LDB2: variants seen among roughly 807,000 people sequenced by gnomAD.
LDB2 encodes LIM domain binding 2, also known as LIM domain-binding protein 2.
LDB2 carries 12 observed loss-of-function variants against 44.3 expected under a neutral mutation model. That is an observed-to-expected ratio of 0.27 (90% CI 0.17 to 0.44). The LOEUF is 0.44. LDB2 is among the 20% of genes least tolerant of loss of function. The pLI, the probability that LDB2 is intolerant of heterozygous loss-of-function variation, is 1.00. For synonymous variants in LDB2, 164 were observed against 174.8 expected (o/e 0.94, Z 0.49); for missense variants, 344 against 473.5 (o/e 0.73, Z 2.54).
At chr4:16,842,434 A>G (rs1786064366) in intron 1 of LDB2, among the ~76,000 whole-genome samples, 1 of 152,218 alleles carries the variant, frequency 6.6e-6, no homozygotes, top group South Asian at 2.1e-4. Flanking sequence ...AAATTAAAAA[A>G]AAAATCCATG....
chr4:16,879,516 G>T (rs1238338964), intron 1 of LDB2, among the ~76,000 whole-genome samples: 2 of 152,210 alleles, frequency 1.3e-5, no homozygotes. Context: ...GCAGAGGAAA[G>T]TTGGCTTAAC....
intron 1 of LDB2, among the ~76,000 whole-genome samples, chr4:16,839,754 T>A (rs1258859714): frequency 1.3e-5 from 2 of 152,204 alleles, no homozygotes; most frequent in Admixed American, 6.5e-5. Flanking sequence ...TATTTAGAGA[T>A]ACCAACATGT....
intron 2 of LDB2, among the ~76,000 whole-genome samples, chr4:16,623,819 TC>T (rs200563143): frequency 0.014 from 2,186 of 151,922 alleles, 30 homozygotes; most frequent in South Asian, 0.045. Context: ...AGCTTAACAG[TC>T]CCTTAACTCT....
chr4:16,809,741 C>CAAACAA (rs1554031287), intron 1 of LDB2, among the ~76,000 whole-genome samples: 3 of 145,476 alleles, frequency 2.1e-5, no homozygotes, highest in African/African-American at 7.6e-5. Context: ...AACAAACAAA[C>CAAACAA]AAAAAAAAAA....
chr4:16,765,372 T>G (rs1000640813), intron 1 of LDB2, among the ~76,000 whole-genome samples: 2 of 152,228 alleles, frequency 1.3e-5, no homozygotes, highest in Non-Finnish European at 2.9e-5. Flanking sequence ...GCATATGTCA[T>G]TCTTTTGACC....
chr4:16,870,997 T>C (rs1561496237), intron 1 of LDB2, among the ~76,000 whole-genome samples: 1 of 152,194 alleles, frequency 6.6e-6, no homozygotes, highest in Non-Finnish European at 1.5e-5. Context: ...CTGCTTCCTC[T>C]GGCAAATGAG....
rs565524837 is a variant in LDB2 at position 16,507,455 on chromosome 4, T to C, written c.891+1080A>G. On this transcript the variant is annotated intron_variant, in intron 7 of 7. Coordinates refer to ENST00000304523, the MANE Select transcript of LDB2 (RefSeq NM_001290.5). The stretch of plus-strand genomic sequence containing the variant: ...CACTTGGAAGTAAGTGGGGAATCCC[T>C]GTGCGAAGGTCCACTCGCACATGGA... Among the ~76,000 whole-genome samples, 6 of 152,208 alleles carry C rather than the reference T, an allele frequency of 3.9e-5. No homozygotes were observed. The East Asian group carries it at 1.2e-3, about 29-fold the overall frequency.
chr4:16,850,313 C>CT (rs1421224594), intron 1 of LDB2, among the ~76,000 whole-genome samples: 1 of 152,122 alleles, frequency 6.6e-6, no homozygotes, highest in Non-Finnish European at 1.5e-5. Flanking sequence ...CACCTATTAG[C>CT]TGAACCTCCT....
At chr4:16,715,049 T>A (rs757750151) in intron 2 of LDB2, among the ~76,000 whole-genome samples, 8 of 152,206 alleles carry the variant, frequency 5.3e-5, no homozygotes, top group Non-Finnish European at 1.0e-4. Flanking sequence ...TTTAGTGAGA[T>A]GTCATATGTG....
At chr4:16,745,608 T>C (rs1384097186) in intron 2 of LDB2, among the ~76,000 whole-genome samples, 1 of 152,126 alleles carries the variant, frequency 6.6e-6, no homozygotes, top group African/African-American at 2.4e-5. Context: ...CAGAGAGTTA[T>C]TGTGGAAGAC....
intron 2 of LDB2, among the ~76,000 whole-genome samples, chr4:16,756,844 C>A (rs1766769118): frequency 6.6e-6 from 1 of 151,734 alleles, no homozygotes; most frequent in African/African-American, 2.4e-5. Flanking sequence ...CAAAAGGACC[C>A]CCCTAGACAC....
chr4:16,873,473 G>T (rs1717333713), intron 1 of LDB2, among the ~76,000 whole-genome samples: 1 of 151,588 alleles, frequency 6.6e-6, no homozygotes, highest in African/African-American at 2.4e-5. Context: ...CGGTGTTAAT[G>T]GTCTCTATTC....
At chr4:16,560,290 A>G (rs1441272311) in intron 5 of LDB2, among the ~76,000 whole-genome samples, 1 of 152,210 alleles carries the variant, frequency 6.6e-6, no homozygotes. Context: ...GGTTTTTTGA[A>G]AGGATCAACA....
At chr4:16,809,983 T>C (rs1237407686) in intron 1 of LDB2, among the ~76,000 whole-genome samples, 2 of 152,234 alleles carry the variant, frequency 1.3e-5, no homozygotes, top group African/African-American at 4.8e-5. Flanking sequence ...CCACTAATTG[T>C]CAGTATTGAC....
intron 1 of LDB2, among the ~76,000 whole-genome samples, chr4:16,863,235 A>T (rs1317077297): frequency 6.6e-6 from 1 of 152,208 alleles, no homozygotes; most frequent in African/African-American, 2.4e-5. Flanking sequence ...AAGGTGCCAA[A>T]GATAGAGAAA....
chr4:16,601,627 A>T (rs1367138378), intron 2 of LDB2, among the ~76,000 whole-genome samples: 1 of 152,168 alleles, frequency 6.6e-6, no homozygotes, highest in African/African-American at 2.4e-5. Flanking sequence ...GGATTTAAAA[A>T]ATTTTTATCT....
At chr4:16,706,344 C>A (rs1024542147) in intron 2 of LDB2, among the ~76,000 whole-genome samples, 1 of 152,100 alleles carries the variant, frequency 6.6e-6, no homozygotes, top group African/African-American at 2.4e-5. Context: ...TAAAAGAAGC[C>A]CGAGAGAGGT....
intron 1 of LDB2, among the ~76,000 whole-genome samples, chr4:16,828,354 T>A (rs934672324): frequency 6.6e-6 from 1 of 152,216 alleles, no homozygotes; most frequent in Non-Finnish European, 1.5e-5. Flanking sequence ...TTCTCTGCCT[T>A]TAGGATTTTG....
chr4:16,704,512 CTT>C (rs1754174200), intron 2 of LDB2, among the ~76,000 whole-genome samples: 1 of 152,144 alleles, frequency 6.6e-6, no homozygotes, highest in Non-Finnish European at 1.5e-5. Context: ...ATAAATCTCT[CTT>C]GTTTTCCCAT....
Sources: allele counts gnomAD v4.1 joint callset (sites outside exome capture counted in the v4.1 genomes callset), GRCh38; gene constraint gnomAD v4.1.1; transcripts MANE v1.5; gene names NCBI Gene and HGNC (gene_info 2026-07-23, HGNC 2026-07-21).